FRYL: variants seen among roughly 807,000 people sequenced by gnomAD.
FRYL encodes the protein FRY like transcription coactivator.
Under a neutral mutation model 351.2 loss-of-function variants are expected in FRYL, and 150 were observed. The observed-to-expected ratio is 0.43, with a 90% CI of 0.37 to 0.49. The LOEUF is 0.49. Ranked by LOEUF, FRYL falls within the 20% of genes least tolerant of loss-of-function variation. The pLI is 0.00. For missense variants in FRYL, 3,036 were observed against 3,619.3 expected (o/e 0.84, Z 4.13); for synonymous variants, 1,153 against 1,257.1 (o/e 0.92, Z 1.75).
intron 16 of FRYL, among the ~76,000 whole-genome samples, chr4:48,592,101 T>TATATATATATATATATAC (rs1158547540): frequency 2.2e-5 from 1 of 45,044 alleles, no homozygotes; most frequent in Non-Finnish European, 6.1e-5. Context: ...TATATATATA[T>TATATATATATATATATAC]ATATATATAT....
intron 62 of FRYL, among the ~76,000 whole-genome samples, chr4:48,500,693 G>A (rs1719377906): frequency 6.6e-6 from 1 of 152,138 alleles, no homozygotes; most frequent in Non-Finnish European, 1.5e-5. Flanking sequence ...ATGACAAGGG[G>A]GGGAAAAGAC....
intron 57 of FRYL, 74 bp downstream of exon 57, chr4:48,512,407 C>A: frequency 8.1e-7 from 1 of 1,230,858 alleles, no homozygotes; most frequent in Non-Finnish European, 1.2e-6. Context: ...ATCGGAGATG[C>A]TGATTTTAGA....
intron 1 of FRYL, among the ~76,000 whole-genome samples, chr4:48,777,574 T>TA: frequency 6.6e-6 from 1 of 152,344 alleles, no homozygotes; most frequent in East Asian, 1.9e-4. Flanking sequence ...ACAATGTGTT[T>TA]AAAACAATGT....
At chr4:48,751,571 A>C (rs879867516) in intron 1 of FRYL, among the ~76,000 whole-genome samples, 1 of 152,296 alleles carries the variant, frequency 6.6e-6, no homozygotes, top group South Asian at 2.1e-4. Flanking sequence ...ATAATCCAAG[A>C]GTAAAATGAA....
chr4:48,514,429 CAT>C (rs1723128896), intron 56 of FRYL, among the ~76,000 whole-genome samples: 1 of 152,050 alleles, frequency 6.6e-6, no homozygotes, highest in South Asian at 2.1e-4. Context: ...CTATATATAA[CAT>C]ATGATTATTA....
At chr4:48,698,625 A>G (rs1766432244) in intron 2 of FRYL, among the ~76,000 whole-genome samples, 1 of 152,244 alleles carries the variant, frequency 6.6e-6, no homozygotes, top group South Asian at 2.1e-4. Flanking sequence ...TCAGATCAAC[A>G]TCCTCTGTAG....
intron 1 of FRYL, among the ~76,000 whole-genome samples, chr4:48,757,933 G>C (rs1008210031): frequency 3.9e-5 from 6 of 152,170 alleles, no homozygotes; most frequent in East Asian, 3.9e-4. Context: ...ATAATACCAT[G>C]CATCTACAAC....
At chr4:48,509,019 T>C (rs998650112) in intron 59 of FRYL, among the ~76,000 whole-genome samples, 19 of 152,158 alleles carry the variant, frequency 1.2e-4, no homozygotes, top group South Asian at 2.1e-4. Context: ...GCATGATTCA[T>C]TGGGACCAGT....
At chr4:48,774,239 T>C (rs2109429256) in intron 1 of FRYL, among the ~76,000 whole-genome samples, 1 of 152,340 alleles carries the variant, frequency 6.6e-6, no homozygotes, top group East Asian at 1.9e-4. Context: ...ACATTTTTAA[T>C]AGGTAAATTA....
intron 3 of FRYL, among the ~76,000 whole-genome samples, chr4:48,642,002 T>C (rs1017187263): frequency 2.0e-5 from 3 of 152,194 alleles, no homozygotes; most frequent in Admixed American, 1.3e-4. Context: ...TTTATCTTTT[T>C]TCCTCAATAT....
At chr4:48,729,241 A>G (rs2149622979) in intron 1 of FRYL, among the ~76,000 whole-genome samples, 1 of 152,352 alleles carries the variant, frequency 6.6e-6, no homozygotes, top group South Asian at 2.1e-4. Flanking sequence ...GGAAGCTCCA[A>G]CTGGGCGGAG....
At chr4:48,764,987 G>A (rs746256978) in intron 1 of FRYL, among the ~76,000 whole-genome samples, 8 of 152,142 alleles carry the variant, frequency 5.3e-5, no homozygotes, top group Non-Finnish European at 1.2e-4. Flanking sequence ...TGGGATTACA[G>A]GCGCACACCA....
chr4:48,584,265 C>T (rs1371378743), intron 19 of FRYL, among the ~76,000 whole-genome samples: 1 of 152,090 alleles, frequency 6.6e-6, no homozygotes, highest in Non-Finnish European at 1.5e-5. Context: ...TAATATTAAA[C>T]ACAATTATAT....
intron 1 of FRYL, among the ~76,000 whole-genome samples, chr4:48,749,764 C>A (rs1773057381): frequency 6.6e-6 from 1 of 152,134 alleles, no homozygotes; most frequent in South Asian, 2.1e-4. Context: ...TGTTTCCTGT[C>A]CCATATCCTC....
chr4:48,699,882 C>CT (rs1285779989), intron 2 of FRYL, among the ~76,000 whole-genome samples: 1 of 152,038 alleles, frequency 6.6e-6, no homozygotes, highest in Non-Finnish European at 1.5e-5. Context: ...TGCTACTACT[C>CT]TTAAGAATTT....
In FRYL at chr4:48,576,068, C is replaced by G; in HGVS notation, c.2683G>C (p.Ala895Pro). Residue 895 changes from alanine (A) to proline (P), a missense_variant, in exon 24 of 64, where the codon GCG (alanine) becomes CCG (proline). This residue lies in a region of FRYL where 492 missense variants were observed against 551.5 expected (regional missense o/e 0.89). Coordinates refer to ENST00000358350, the MANE Select transcript of FRYL (RefSeq NM_015030.2). The part of the protein sequence containing the change: ...SVRCSPPETL[A>P]STPDSGYSID... ...CTATAGCCGCTATCTGGGGTAGACG[C>G]CAGCGTCTCAGGAGGAGAACATCTC... 1 of 1,613,078 alleles carries G rather than the reference C, an allele frequency of 6.2e-7. No individual in the cohort carries two copies. Among genetic ancestry groups the G allele is most frequent in the Non-Finnish European group, 8.5e-7 (1 of 1,179,618 alleles).
intron 47 of FRYL, among the ~76,000 whole-genome samples, chr4:48,537,755 T>G (rs1729210291): frequency 1.3e-5 from 2 of 152,202 alleles, no homozygotes; most frequent in Non-Finnish European, 1.5e-5. Flanking sequence ...GGTCACGATA[T>G]CAGCAGCTCG....
At chr4:48,754,892 T>C (rs1773621692) in intron 1 of FRYL, among the ~76,000 whole-genome samples, 1 of 152,176 alleles carries the variant, frequency 6.6e-6, no homozygotes, top group Non-Finnish European at 1.5e-5. Context: ...TCCACCCGCC[T>C]TGGCCTCCAA....
chr4:48,604,366 GA>G (rs1288081294), intron 11 of FRYL, among the ~76,000 whole-genome samples: 2 of 152,190 alleles, frequency 1.3e-5, no homozygotes, highest in Non-Finnish European at 2.9e-5. Flanking sequence ...AATTCATGTT[GA>G]AGTCCTAACC....
Sources: allele counts gnomAD v4.1 joint callset (sites outside exome capture counted in the v4.1 genomes callset), GRCh38; gene constraint gnomAD v4.1.1; regional missense constraint gnomAD v4.1.1; transcripts MANE v1.5; gene names NCBI Gene and HGNC (gene_info 2026-07-23, HGNC 2026-07-21).